TACC1: variants seen among roughly 807,000 people sequenced by gnomAD.
TACC1 encodes transforming acidic coiled-coil containing protein 1, also known as transforming acidic coiled-coil-containing protein 1.
In TACC1, 48 loss-of-function variants were observed where a neutral mutation model predicts 84.4. The ratio of observed to expected loss-of-function variants is 0.57; its 90% CI spans 0.45 to 0.72. The LOEUF (loss-of-function observed/expected upper bound fraction) is 0.72. Among genes scored for constraint, TACC1 ranks in the 30% least tolerant of loss-of-function variants. TACC1 has a pLI of 0.00. For missense variants in TACC1, 920 were observed against 973.0 expected (o/e 0.95, Z 0.72); for synonymous variants, 372 against 376.3 (o/e 0.99, Z 0.13).
chr8:38,835,652 A>C (rs970946248), intron 6 of TACC1, among the ~76,000 whole-genome samples: 5 of 152,260 alleles, frequency 3.3e-5, no homozygotes, highest in African/African-American at 1.2e-4. Flanking sequence ...TCAGAGTTCA[A>C]ATATATTTGC....
chr8:38,767,050 G>A (rs1031777631), intron 3 of TACC1, among the ~76,000 whole-genome samples: 1 of 140,842 alleles, frequency 7.1e-6, no homozygotes, highest in African/African-American at 2.7e-5. Context: ...ACACAGAGCC[G>A]ACAGAAGACC....
intron 11 of TACC1, among the ~76,000 whole-genome samples, chr8:38,845,579 G>T (rs1334608972): frequency 6.6e-6 from 1 of 152,088 alleles, no homozygotes; most frequent in Non-Finnish European, 1.5e-5. Context: ...TTTTTATTAG[G>T]TCGTGGAACT....
chr8:38,751,733 G>A (rs984722554), intron 3 of TACC1, among the ~76,000 whole-genome samples: 3 of 151,862 alleles, frequency 2.0e-5, no homozygotes, highest in East Asian at 3.8e-4. Flanking sequence ...TATATGCACC[G>A]AGAAACCAAA....
At chr8:38,804,743 C>A (rs963132817) in intron 2 of TACC1, among the ~76,000 whole-genome samples, 1 of 152,216 alleles carries the variant, frequency 6.6e-6, no homozygotes, top group Non-Finnish European at 1.5e-5. Context: ...GCTAGGACTG[C>A]AGGCAAACAC....
rs530074363 is a variant in TACC1, at chr8:38,843,184, GAATT to G, written c.2122-99_2122-96del. 8.7e-5 allele frequency: 64 copies of G among 734,182 alleles called. 1 individual carries two copies. The highest frequency in any genetic ancestry group is 7.2e-4 in the South Asian group (32 of 44,562). The allele number at this position is 734,182 out of a possible 1,614,324, so 45.5% of individuals were successfully genotyped here. A position where few individuals can be genotyped will look rare whatever the true frequency, so the allele number is the denominator to read the frequency against. Reference sequence around the variant, plus strand: ...TGCAGAGTATGAATAAAAGCCATCTGAATTAATTAGATTTTTCCATTCTTTAAAA... The same window carrying G: ...TGCAGAGTATGAATAAAAGCCATCTGAATTAGATTTTTCCATTCTTTAAAA... On this transcript the variant is annotated intron_variant, in intron 10 of 12. Coordinates refer to ENST00000317827, the MANE Select transcript of TACC1 (RefSeq NM_006283.3).
rs1373177366 is a variant in TACC1, at chr8:38,852,111, C to T, written c.*4088C>T. On this transcript the variant is annotated 3_prime_UTR_variant, in exon 13 of 13. Coordinates refer to ENST00000317827, the MANE Select transcript of TACC1 (RefSeq NM_006283.3). ...GAAGACCCATCCCCTAGTGCCAGAGCTTGCATCCTGGAGACTAAAGATTGC... is the reference window on the plus strand; with the variant it reads ...GAAGACCCATCCCCTAGTGCCAGAGTTTGCATCCTGGAGACTAAAGATTGC... 6.1e-6 allele frequency: 2 copies of T among 329,498 alleles called. No homozygotes were observed. The highest frequency in any genetic ancestry group is 1.2e-5 in the Non-Finnish European group (2 of 160,828). 20.4% of individuals were successfully genotyped at this position (329,498 alleles called of 1,614,324 possible). A position where few individuals can be genotyped will look rare whatever the true frequency, so the allele number is the denominator to read the frequency against.
At chr8:38,840,116 T>A in intron 8 of TACC1, 108 bp from the exon 9 acceptor site, 24 of 611,616 alleles carry the variant, frequency 3.9e-5, no homozygotes, top group Non-Finnish European at 5.4e-5. Context: ...ATGGATTACA[T>A]ACATTGTCAG....
At chr8:38,803,730 CCCCTTGTGATT>C (rs1467880870) in intron 2 of TACC1, among the ~76,000 whole-genome samples, 3 of 151,224 alleles carry the variant, frequency 2.0e-5, no homozygotes, top group Non-Finnish European at 4.4e-5. Context: ...TTTTTTTTTC[CCCCTTGTGATT>C]CCTTTGTTTG....
chr8:38,795,095 TTTG>T (rs1352450466), intron 2 of TACC1, among the ~76,000 whole-genome samples: 2 of 152,202 alleles, frequency 1.3e-5, no homozygotes, highest in Non-Finnish European at 1.5e-5. Flanking sequence ...CATGTGTTTT[TTTG>T]TTGTTGTTGC....
chr8:38,761,948 C>T (rs561683242), intron 3 of TACC1, among the ~76,000 whole-genome samples: 31 of 152,144 alleles, frequency 2.0e-4, no homozygotes, highest in African/African-American at 5.3e-4. Flanking sequence ...CTCTATCTCC[C>T]GTGAAGCCAA....
At chr8:38,743,565 A>C (rs776557130) in intron 2 of TACC1, among the ~76,000 whole-genome samples, 1 of 152,158 alleles carries the variant, frequency 6.6e-6, no homozygotes, top group Non-Finnish European at 1.5e-5. Flanking sequence ...GCTGCCAAGA[A>C]ATACAGTTCT....
chr8:38,742,353 C>A, exon 2 of TACC1: 2 of 1,398,264 alleles, frequency 1.4e-6, no homozygotes, highest in East Asian at 2.6e-5. Context: ...TCTTCCAGTC[C>A]CAAGGGTTCC....
intron 4 of TACC1, among the ~76,000 whole-genome samples, chr8:38,826,593 T>C (rs1328843057): frequency 6.6e-6 from 1 of 152,138 alleles, no homozygotes; most frequent in Admixed American, 6.5e-5. Context: ...TGCAGATGTT[T>C]TTCATTTGGA....
At chr8:38,762,492 A>T (rs556870323) in intron 3 of TACC1, among the ~76,000 whole-genome samples, 3 of 151,776 alleles carry the variant, frequency 2.0e-5, no homozygotes, top group African/African-American at 7.3e-5. Flanking sequence ...GTGTATATAT[A>T]CCACATTTTG....
chr8:38,806,488 AAGAG>A (rs1238345056), intron 2 of TACC1, among the ~76,000 whole-genome samples: 4 of 150,470 alleles, frequency 2.7e-5, no homozygotes, highest in South Asian at 2.1e-4. Flanking sequence ...GAGAGAGAGA[AAGAG>A]AGAGAGGGAG....
intron 2 of TACC1, among the ~76,000 whole-genome samples, chr8:38,796,812 T>C (rs1258084234): frequency 6.6e-6 from 1 of 152,214 alleles, no homozygotes; most frequent in Non-Finnish European, 1.5e-5. Flanking sequence ...GCCTGTTTTA[T>C]GGTAGATAGA....
At chr8:38,818,561 A>G (rs1428269801) in intron 2 of TACC1, among the ~76,000 whole-genome samples, 2 of 152,234 alleles carry the variant, frequency 1.3e-5, no homozygotes, top group Non-Finnish European at 2.9e-5. Context: ...CAGAGGTTCT[A>G]AAGAAAAAAT....
At chr8:38,769,817 G>A (rs1408860625) in intron 3 of TACC1, among the ~76,000 whole-genome samples, 2 of 150,026 alleles carry the variant, frequency 1.3e-5, no homozygotes, top group African/African-American at 4.9e-5. Flanking sequence ...TGTGTGGTGT[G>A]TGTATGTATG....
chr8:38,753,583 G>C (rs1809418781), intron 3 of TACC1, among the ~76,000 whole-genome samples: 1 of 152,192 alleles, frequency 6.6e-6, no homozygotes, highest in South Asian at 2.1e-4. Flanking sequence ...ATATGTTGTG[G>C]GGTAAGATGT....
Sources: allele counts gnomAD v4.1 joint callset (sites outside exome capture counted in the v4.1 genomes callset), GRCh38; gene constraint gnomAD v4.1.1; transcripts MANE v1.5; gene names NCBI Gene and HGNC (gene_info 2026-07-23, HGNC 2026-07-21).